Variants in NTN5 observed in about 807,000 individuals in gnomAD.
NTN5 encodes netrin 5.
In NTN5, 42 loss-of-function variants were observed where a neutral mutation model predicts 38.7. The ratio of observed to expected loss-of-function variants is 1.08; its 90% CI spans 0.85 to 1.40. The LOEUF is 1.40. Among genes scored for constraint, NTN5 ranks in the 40% most tolerant of loss-of-function variants. The pLI is 0.00. For synonymous variants in NTN5, 329 were observed against 303.9 expected (o/e 1.08, Z -0.86); for missense variants, 658 against 716.5 (o/e 0.92, Z 0.93).
In NTN5 at chr19:48,670,591, A is replaced by T. The variant is rs765571767; in HGVS notation, c.396T>A (p.Thr132=). The part of the protein sequence containing the change: ...TFHSTPGPKA[T]VAASHLRVEF... ...CCACACGGAGGTGGCTGGCCGCCAC[A>T]GTGGCCTTAGGACCTGGTGTGGAGT... Residue 132 remains threonine, a synonymous_variant, in exon 2 of 7, where the codon ACT becomes ACA. Coordinates refer to ENST00000270235, the MANE Select transcript of NTN5 (RefSeq NM_145807.4). 3.2e-6 allele frequency: 5 copies of T among 1,582,472 alleles called. No individual in the cohort carries two copies. In the African/African-American group the frequency reaches 5.4e-5, roughly 17 times the overall value.
rs531320794 is a variant in NTN5, at chr19:48,661,762, G to C, written c.1385C>G (p.Pro462Arg). 1 of 1,493,364 alleles carries C rather than the reference G, an allele frequency of 6.7e-7. No individual in the cohort carries two copies. The highest frequency in any genetic ancestry group is 1.5e-5 in the African/African-American group (1 of 68,748). 92.5% of individuals were successfully genotyped at this position (1,493,364 alleles called of 1,614,324 possible). A position where few individuals can be genotyped will look rare whatever the true frequency, so the allele number is the denominator to read the frequency against. Residue 462 changes from proline to arginine, a missense_variant, in exon 7 of 7, where the codon CCC becomes CGC. Transcript: ENST00000270235. ...CTCCTCCTGCTGCAGCCGCTTCAGG[G>C]GCCGGGCCCAGCGCGGCCTCCATGG... ...ALPWRPRWAR[P>R]LKRLQQEERA...
In NTN5 at chr19:48,664,306, G is replaced by A. The variant is rs774594685; in HGVS notation, c.821-14C>T. The A allele has an allele frequency of 6.2e-7, 1 of 1,610,454 alleles. No individual in the cohort carries two copies. The highest frequency in any genetic ancestry group is 8.5e-7 in the Non-Finnish European group (1 of 1,178,350). ...GGCACTGGCAGGCTACATGAGCAGAGGAGCTGGGGGCATGGGGTATCAGGG... is the reference window on the plus strand; with the variant it reads ...GGCACTGGCAGGCTACATGAGCAGAAGAGCTGGGGGCATGGGGTATCAGGG... On this transcript the variant is annotated splice_polypyrimidine_tract_variant and intron_variant, in intron 3 of 6. Coordinates refer to ENST00000270235, the MANE Select transcript of NTN5 (RefSeq NM_145807.4).
At chr19:48,668,127 G>A (rs545830101) in intron 2 of NTN5, among the ~76,000 whole-genome samples, 3 of 152,214 alleles carry the variant, frequency 2.0e-5, no homozygotes, top group Middle Eastern at 3.4e-3. Flanking sequence ...AGAGGGCATC[G>A]CATGGGACAT....
In NTN5 at chr19:48,661,719, G is replaced by A. The variant is rs1364930517; in HGVS notation, c.1428C>T (p.Arg476=). Residue 476 remains arginine (R), a synonymous_variant, in exon 7 of 7, where the codon CGC becomes CGT. Coordinates refer to ENST00000270235, the MANE Select transcript of NTN5 (RefSeq NM_145807.4). ...GACTGGGTGTGGGTGCCCGCACGCC[G>A]CGGCAGCCTCCGGCGCGCTCCTCCT... ...LQQEERAGGC[R]GVRAPTPSPR... is the part of the protein sequence containing the mutation. The A allele has an allele frequency of 1.8e-5, 28 of 1,555,384 alleles. No homozygotes were observed. The highest frequency in any genetic ancestry group is 3.6e-5 in the Admixed American group (2 of 54,810).
intron 2 of NTN5, among the ~76,000 whole-genome samples, chr19:48,667,784 A>G (rs887564391): frequency 1.3e-5 from 2 of 152,056 alleles, no homozygotes; most frequent in African/African-American, 4.8e-5. Flanking sequence ...TGAACCCCAG[A>G]GGCAGAGGCT....
At position 48,661,743 on chromosome 19, in the gene NTN5, C is replaced by T; in HGVS notation, c.1404G>A (p.Gln468=). The change falls in exon 7 of 7, where the codon CAG becomes CAA. Residue 468 remains glutamine (Q), a synonymous_variant. Transcript: ENST00000270235. ...CGCGGCAGCCTCCGGCGCGCTCCTC[C>T]TGCTGCAGCCGCTTCAGGGGCCGGG... ...RWARPLKRLQ[Q]EERAGGCRGV... 1 of 1,528,816 alleles carries T rather than the reference C, an allele frequency of 6.5e-7. No individual in the cohort carries two copies. Among genetic ancestry groups the T allele is most frequent in the Non-Finnish European group, 8.7e-7 (1 of 1,148,698 alleles). 94.7% of individuals were successfully genotyped at this position (1,528,816 alleles called of 1,614,324 possible).
At position 48,663,063 on chromosome 19, in the gene NTN5, G is replaced by A. The variant is rs190075800; in HGVS notation, c.1105+400C>T. ...TGGGGATTAGGGAACCGTGGGACAA[G>A]TCTTTATGGGAAGTGGGGCTAAGGC... On this transcript the variant is annotated intron_variant, in intron 6 of 6. Transcript: ENST00000270235. 2.5e-3 allele frequency: 958 copies of A among 383,894 alleles called. 9 individuals carry two copies. The highest frequency in any genetic ancestry group is 3.9e-3 in the Admixed American group (128 of 33,036). The allele number at this position is 383,894 out of a possible 1,614,324, so 23.8% of individuals were successfully genotyped here. A position where few individuals can be genotyped will look rare whatever the true frequency, so the allele number is the denominator to read the frequency against.
rs774962464 is a variant in NTN5, at chr19:48,663,503, C to G, written c.1065G>C (p.Arg355Ser). Residue 355 changes from arginine (R) to serine (S), a missense_variant, in exon 6 of 7, where the codon AGG (arginine) becomes AGC (serine). Arg to Ser is a moderately radical substitution (Grantham distance 110). Transcript: ENST00000270235. ...AGTACCTCCGAAGGCTCATGTGTACCCTGGTGTCCGACATATTGCAGTAGT... is the reference window on the plus strand; with the variant it reads ...AGTACCTCCGAAGGCTCATGTGTACGCTGGTGTCCGACATATTGCAGTAGT... The part of the protein sequence containing the change: ...CQNYCNMSDT[R>S]VHMSLRRYCQ... The G allele has an allele frequency of 1.2e-6, 2 of 1,614,170 alleles. No individual in the cohort carries two copies. The highest frequency in any genetic ancestry group is 1.7e-5 in the Admixed American group (1 of 60,026).
intron 2 of NTN5, 48 bp downstream of exon 2, chr19:48,670,308 C>A: frequency 7.2e-7 from 1 of 1,380,628 alleles, no homozygotes; most frequent in Non-Finnish European, 9.4e-7. Context: ...ACAAAGGACC[C>A]AGTGGCAGGC....
chr19:48,669,131 CATCATATCACCATCAT>C (rs2031792365), intron 2 of NTN5, among the ~76,000 whole-genome samples: 1 of 108,448 alleles, frequency 9.2e-6, no homozygotes, highest in Non-Finnish European at 2.0e-5. Flanking sequence ...CCACCACCAT[CATCATATCACCATCAT>C]CACCACCATC....
chr19:48,664,786 G>A lies in NTN5; in HGVS notation c.632-19C>T. ...GAGCAGGCTAGGAGCAAAATGGGGT[G>A]GGGGCGCATCAGGGCCGAGTGTGCT... On this transcript the variant is annotated intron_variant, in intron 2 of 6. Transcript: ENST00000270235. The A allele has an allele frequency of 6.6e-7, 1 of 1,521,472 alleles. No homozygotes were observed. Among genetic ancestry groups the A allele is most frequent in the Non-Finnish European group, 8.8e-7 (1 of 1,133,126 alleles). The allele number at this position is 1,521,472 out of a possible 1,614,324, so 94.2% of individuals were successfully genotyped here. A position where few individuals can be genotyped will look rare whatever the true frequency, so the allele number is the denominator to read the frequency against.
chr19:48,669,652 C>T (rs549579855), intron 2 of NTN5, among the ~76,000 whole-genome samples: 1 of 85,880 alleles, frequency 1.2e-5, no homozygotes, highest in Non-Finnish European at 2.2e-5. Flanking sequence ...ATCACCACCA[C>T]CAACACCACC....
At chr19:48,663,311 G>T in intron 6 of NTN5, 152 bp downstream of exon 6, 1 of 762,786 alleles carries the variant, frequency 1.3e-6, no homozygotes, top group Middle Eastern at 2.3e-4. Context: ...TTTGTCTTCT[G>T]CCCCATCAAT....
At chr19:48,669,417 C>T (rs906099764) in intron 2 of NTN5, among the ~76,000 whole-genome samples, 2 of 34,018 alleles carry the variant, frequency 5.9e-5, no homozygotes, top group Non-Finnish European at 1.3e-4. Context: ...ATCACCACCA[C>T]CATCACCACC....
chr19:48,663,885 T>G, intron 4 of NTN5, 71 bp from the exon 5 acceptor site: 1 of 1,454,588 alleles, frequency 6.9e-7, no homozygotes, highest in Non-Finnish European at 9.7e-7. Context: ...GCCCCGGGAA[T>G]CCAGGCACCC....
rs146497712 is a variant in NTN5, at chr19:48,670,873, G to C, written c.114C>G (p.Ala38=). ...AGGCCTGAGGGCAGGAGGCCGCCAC[G>C]GCAGCCAGCTGTGTCACTGGCGGGA... ...FCLPPVTQLA[A]VAASCPQACA... The change falls in exon 2 of 7, where the codon GCC becomes GCG. Residue 38 remains alanine (A), a synonymous_variant. Transcript: ENST00000270235. 1 of 1,611,108 alleles carries C rather than the reference G, an allele frequency of 6.2e-7. No individual in the cohort carries two copies. Among genetic ancestry groups the C allele is most frequent in the African/African-American group, 1.3e-5 (1 of 74,900 alleles).
At chr19:48,664,401 C>G in intron 3 of NTN5, 109 bp from the exon 4 acceptor site, 1 of 1,436,662 alleles carries the variant, frequency 7.0e-7, no homozygotes, top group East Asian at 2.4e-5. Flanking sequence ...CCCAGCCCCT[C>G]TTCCCTCAGA....
chr19:48,664,499 C>A (rs2031640278), intron 3 of NTN5, 80 bp downstream of exon 3: 1 of 1,420,722 alleles, frequency 7.0e-7, no homozygotes. Flanking sequence ...GGAATCCAGG[C>A]CCCCAGCCCC....
rs1568452824 is a variant in NTN5 at position 48,669,972 on chromosome 19, T to TCACCATCATCACCACTAC, written c.631+383_631+384insGTAGTGGTGATGATGGTG. On this transcript the variant is annotated intron_variant, in intron 2 of 6. Transcript: ENST00000270235. Reference sequence around the variant, plus strand: ...ACCACCACCATCACCATCACCACCATCATCACCATCATCACCACCACCATC... The same window carrying TCACCATCATCACCACTAC: ...ACCACCACCATCACCATCACCACCATCACCATCATCACCACTACCATCACCATCATCACCACCACCATC... 9.0e-5 allele frequency among the ~76,000 whole-genome samples: 11 copies of TCACCATCATCACCACTAC among 122,092 alleles called. 1 individual carries two copies. The East Asian group carries it at 3.0e-3, about 33-fold the overall frequency. The allele number at this position is 122,092 out of a possible 152,430, so 80.1% of individuals were successfully genotyped here. A position where few individuals can be genotyped will look rare whatever the true frequency, so the allele number is the denominator to read the frequency against.
Sources: gnomAD v4.1 joint callset for allele counts (sites outside exome capture counted in the v4.1 genomes callset) on GRCh38, gnomAD v4.1.1 for gene constraint, MANE v1.5 for transcripts, NCBI Gene and HGNC (gene_info 2026-07-23, HGNC 2026-07-21) for gene names.